ARMC9: variants seen among roughly 807,000 people sequenced by gnomAD.
ARMC9 encodes armadillo repeat containing 9.
Under a neutral mutation model 107.0 loss-of-function variants are expected in ARMC9, and 94 were observed. The observed-to-expected ratio is 0.88, with a 90% confidence interval of 0.74 to 1.04. ARMC9 has a LOEUF of 1.04. Ranked by LOEUF, ARMC9 falls within the 50% of genes least tolerant of loss-of-function variation. The pLI is 0.00. For synonymous variants in ARMC9, 380 were observed against 396.9 expected (o/e 0.96, Z 0.51); for missense variants, 942 against 1,030.1 (o/e 0.91, Z 1.17).
intron 23 of ARMC9, among the ~76,000 whole-genome samples, chr2:231,364,447 C>T (rs969212750): frequency 6.6e-6 from 1 of 152,214 alleles, no homozygotes; most frequent in Non-Finnish European, 1.5e-5. Flanking sequence ...TACATGTATG[C>T]CTTTCCCCTC....
intron 19 of ARMC9, among the ~76,000 whole-genome samples, chr2:231,322,483 A>G (rs2043053021): frequency 6.6e-6 from 1 of 152,254 alleles, no homozygotes; most frequent in Non-Finnish European, 1.5e-5. Context: ...GCCTGAACAC[A>G]TTCTGCTCTG....
In ARMC9 at chr2:231,371,866, G is replaced by A. The variant is rs1256251364; in HGVS notation, c.*331G>A. On this transcript the variant is annotated 3_prime_UTR_variant, in exon 25 of 25. Transcript: ENST00000611582. ...GATCTTCTGGCCCCAGAAACAGCAG[G>A]TGCTGGATTTGCAGCCCTGGCCCTC... 1.1e-5 allele frequency: 3 copies of A among 279,766 alleles called. No individual in the cohort carries two copies. Among genetic ancestry groups the A allele is most frequent in the African/African-American group, 6.6e-5 (3 of 45,768 alleles). 17.3% of individuals were successfully genotyped at this position (279,766 alleles called of 1,614,324 possible).
intron 23 of ARMC9, among the ~76,000 whole-genome samples, chr2:231,365,062 G>GCATA (rs1252333961): frequency 1.1e-3 from 167 of 152,338 alleles, no homozygotes; most frequent in South Asian, 2.7e-3. Context: ...CTCCCAGCAT[G>GCATA]GTGAGCTCAG....
At chr2:231,241,634 A>C (rs2036314117) in intron 9 of ARMC9, among the ~76,000 whole-genome samples, 1 of 152,184 alleles carries the variant, frequency 6.6e-6, no homozygotes, top group African/African-American at 2.4e-5. Flanking sequence ...TTAAAAGAAA[A>C]TTTATACCCT....
intron 9 of ARMC9, among the ~76,000 whole-genome samples, chr2:231,250,970 G>A (rs2037242963): frequency 6.6e-6 from 1 of 152,154 alleles, no homozygotes; most frequent in Non-Finnish European, 1.5e-5. Flanking sequence ...CTGGTGACTA[G>A]TGAGCCCTCA....
At chr2:231,345,147 A>T in intron 21 of ARMC9, 57 bp downstream of exon 21, 1 of 1,593,508 alleles carries the variant, frequency 6.3e-7, no homozygotes, top group South Asian at 1.1e-5. Flanking sequence ...TTTTGATTAC[A>T]GTGTAAGATG....
At position 231,258,427 on chromosome 2, in the gene ARMC9, C is replaced by T. The variant is rs573955856; in HGVS notation, c.915-564C>T. The stretch of plus-strand genomic sequence containing the variant: ...AACTCCTGACCTTAGGTGATCCACC[C>T]GCACAGGCCTCCCAAAGTGCTGGGA... On this transcript the variant is annotated intron_variant, in intron 10 of 24. Transcript: ENST00000611582. 4.9e-4 allele frequency among the ~76,000 whole-genome samples: 74 copies of T among 152,144 alleles called. 1 individual carries two copies. Among genetic ancestry groups the T allele is most frequent in the South Asian group, 1.0e-3 (5 of 4,824 alleles).
rs377185127 is a variant in ARMC9, at chr2:231,276,419, G to A, written c.1335-217G>A. ...CCAAGTAGCTGGGATTACAGGCGCCGTCACCACGCCTGGCTAATTTTTGTA... is the reference window on the plus strand; with the variant it reads ...CCAAGTAGCTGGGATTACAGGCGCCATCACCACGCCTGGCTAATTTTTGTA... On this transcript the variant is annotated intron_variant, in intron 14 of 24. Transcript: ENST00000611582. 1.6e-3 allele frequency among the ~76,000 whole-genome samples: 239 copies of A among 151,898 alleles called. 1 individual carries two copies. The highest frequency in any genetic ancestry group is 5.3e-3 in the African/African-American group (219 of 41,434).
At chr2:231,246,278 G>A (rs576541425) in intron 9 of ARMC9, among the ~76,000 whole-genome samples, 4 of 152,278 alleles carry the variant, frequency 2.6e-5, no homozygotes, top group East Asian at 3.9e-4. Flanking sequence ...ATGTCACTGG[G>A]ATTTGGCATA....
intron 4 of ARMC9, 29 bp downstream of exon 4, chr2:231,215,030 C>A (rs747659903): frequency 2.3e-5 from 37 of 1,609,488 alleles, no homozygotes; most frequent in Non-Finnish European, 8.5e-6. Context: ...GCGGGTGGGT[C>A]TGAGTGGTGT....
intron 7 of ARMC9, among the ~76,000 whole-genome samples, chr2:231,228,708 A>G (rs907982136): frequency 6.6e-6 from 1 of 152,172 alleles, no homozygotes; most frequent in Admixed American, 6.5e-5. Context: ...GACTACAGGC[A>G]TTTTAAAACC....
intron 17 of ARMC9, among the ~76,000 whole-genome samples, chr2:231,285,203 G>GA (rs573590692): frequency 1.0e-4 from 15 of 148,026 alleles, no homozygotes; most frequent in South Asian, 2.2e-4. Flanking sequence ...GTCTCAAAAG[G>GA]AAAAAAAAAA....
rs943226152 is a variant in ARMC9 at position 231,214,724 on chromosome 2, T to A, written c.178-107T>A. 25 of 1,175,602 alleles carry A rather than the reference T, an allele frequency of 2.1e-5. No individual in the cohort carries two copies. In the East Asian group the frequency reaches 5.0e-4, roughly 24 times the overall value. 72.8% of individuals were successfully genotyped at this position (1,175,602 alleles called of 1,614,324 possible). A position where few individuals can be genotyped will look rare whatever the true frequency, so the allele number is the denominator to read the frequency against. On this transcript the variant is annotated intron_variant, in intron 3 of 24. Transcript: ENST00000611582. ...GTGGGATCTCTATTTTTCTATCCTT[T>A]ACCACTGAAAAGGAGTATATGGGAG...
chr2:231,210,262 A>G (rs573245636), intron 3 of ARMC9, among the ~76,000 whole-genome samples: 5 of 152,182 alleles, frequency 3.3e-5, no homozygotes, highest in East Asian at 3.9e-4. Context: ...GTCAACACAG[A>G]CTCTTCTGTG....
chr2:231,344,059 CCT>C (rs375185032), intron 20 of ARMC9, among the ~76,000 whole-genome samples: 64 of 152,202 alleles, frequency 4.2e-4, no homozygotes, highest in African/African-American at 1.3e-3. Flanking sequence ...TATTTACTCC[CCT>C]GTTACTAGAC....
intron 22 of ARMC9, among the ~76,000 whole-genome samples, chr2:231,357,607 T>C (rs1239020663): frequency 6.6e-6 from 1 of 152,102 alleles, no homozygotes; most frequent in Non-Finnish European, 1.5e-5. Flanking sequence ...TGAGACAAGG[T>C]CTCACTCTGT....
At chr2:231,301,805 C>G (rs1043916113) in intron 19 of ARMC9, among the ~76,000 whole-genome samples, 11 of 151,970 alleles carry the variant, frequency 7.2e-5, no homozygotes, top group African/African-American at 2.7e-4. Context: ...ATGGTGAAAC[C>G]CTGTCTCTAC....
intron 12 of ARMC9, among the ~76,000 whole-genome samples, chr2:231,263,069 A>G (rs945611493): frequency 9.2e-5 from 14 of 152,214 alleles, no homozygotes; most frequent in Non-Finnish European, 1.6e-4. Flanking sequence ...TCCTACCTGT[A>G]TCTGCACCAA....
intron 21 of ARMC9, among the ~76,000 whole-genome samples, chr2:231,353,980 T>TACACACACAC (rs35433958): frequency 3.7e-5 from 5 of 135,290 alleles, no homozygotes; most frequent in African/African-American, 1.6e-4. Context: ...TATGTATATA[T>TACACACACAC]ACACACACAC....
Sources: allele counts gnomAD v4.1 joint callset (sites outside exome capture counted in the v4.1 genomes callset), GRCh38; gene constraint gnomAD v4.1.1; transcripts MANE v1.5; gene names NCBI Gene and HGNC (gene_info 2026-07-23, HGNC 2026-07-21).